Variants in POC1A observed in about 807,000 individuals in gnomAD.
POC1A encodes the protein POC1 centriolar protein homolog A.
In POC1A, 34 loss-of-function variants were observed where a neutral mutation model predicts 47.8. The ratio of observed to expected loss-of-function variants is 0.71; its 90% CI spans 0.54 to 0.95. The LOEUF (loss-of-function observed/expected upper bound fraction) is 0.95, where lower values mean the gene tolerates loss of function less well. Ranked by LOEUF, POC1A falls within the 40% of genes least tolerant of loss-of-function variation. POC1A has a pLI of 0.00. For synonymous variants in POC1A, 177 were observed against 207.6 expected (o/e 0.85, Z 1.27); for missense variants, 466 against 528.3 (o/e 0.88, Z 1.16).
intron 9 of POC1A, among the ~76,000 whole-genome samples, chr3:52,119,498 G>A (rs1269714536): frequency 2.0e-5 from 3 of 151,568 alleles, no homozygotes; most frequent in Admixed American, 1.3e-4. Context: ...GGGCTCAAGT[G>A]ATCTTTCCGC....
chr3:52,082,292 C>T (rs1286497235), intron 10 of POC1A, among the ~76,000 whole-genome samples: 1 of 152,118 alleles, frequency 6.6e-6, no homozygotes, highest in Non-Finnish European at 1.5e-5. Flanking sequence ...GTGATGTCAG[C>T]GATGGGCTGA....
intron 7 of POC1A, among the ~76,000 whole-genome samples, chr3:52,128,241 T>G (rs990023247): frequency 2.0e-5 from 3 of 152,198 alleles, no homozygotes; most frequent in Non-Finnish European, 4.4e-5. Context: ...TTTCATGTCA[T>G]GACTCAACCA....
intron 9 of POC1A, among the ~76,000 whole-genome samples, chr3:52,102,972 A>G (rs1289564799): frequency 1.3e-5 from 2 of 152,208 alleles, no homozygotes; most frequent in African/African-American, 4.8e-5. Context: ...GTCTAAAACT[A>G]TATTAACCAA....
intron 10 of POC1A, among the ~76,000 whole-genome samples, chr3:52,081,031 C>T (rs1000588601): frequency 6.6e-6 from 1 of 152,224 alleles, no homozygotes; most frequent in African/African-American, 2.4e-5. Flanking sequence ...CCGAGGTTCA[C>T]CTGGGGGCTC....
At chr3:52,089,147 C>T (rs2106949663) in intron 10 of POC1A, among the ~76,000 whole-genome samples, 1 of 152,098 alleles carries the variant, frequency 6.6e-6, no homozygotes, top group South Asian at 2.1e-4. Context: ...TTTTTGAGTG[C>T]TGTTCGCAGG....
chr3:52,094,677 C>T (rs1702752641), intron 10 of POC1A, among the ~76,000 whole-genome samples: 1 of 152,258 alleles, frequency 6.6e-6, no homozygotes, highest in African/African-American at 2.4e-5. Flanking sequence ...TTGAGTCCGT[C>T]AAGAACATGC....
At chr3:52,132,057 C>A (rs953110377) in intron 7 of POC1A, among the ~76,000 whole-genome samples, 5 of 152,180 alleles carry the variant, frequency 3.3e-5, no homozygotes, top group Non-Finnish European at 7.3e-5. Context: ...TTTCCATGAG[C>A]TCAAGTGGAA....
At chr3:52,136,824 T>A (rs1481967649) in intron 7 of POC1A, among the ~76,000 whole-genome samples, 1 of 152,216 alleles carries the variant, frequency 6.6e-6, no homozygotes, top group East Asian at 1.9e-4. Flanking sequence ...ACATTTTAGA[T>A]CCCACATTCA....
rs1369132636 is a variant in POC1A, at chr3:52,107,809, C to CT, written c.982-11098dup. Among the ~76,000 whole-genome samples, 71 of 152,320 alleles carry CT rather than the reference C, an allele frequency of 4.7e-4. 1 individual carries two copies. The highest frequency in any genetic ancestry group is 1.3e-4 in the Non-Finnish European group (9 of 68,022). On this transcript the variant is annotated intron_variant, in intron 9 of 10. Transcript: ENST00000296484. ...TATATCCCTCTGCCAGTGTTAATGT[C>CT]TTACACAACCATAGGACAATGATCA... is the stretch of plus-strand genomic sequence containing the variant.
intron 6 of POC1A, among the ~76,000 whole-genome samples, chr3:52,142,908 T>C (rs1559849049): frequency 1.3e-5 from 2 of 152,044 alleles, no homozygotes; most frequent in African/African-American, 2.4e-5. Flanking sequence ...GACCTGGCCA[T>C]GTCCTCCCGT....
rs1702398528 is a variant in POC1A, at chr3:52,084,546, C to T, written c.1126-8561G>A. 6.6e-6 allele frequency among the ~76,000 whole-genome samples: 1 copy of T among 152,162 alleles called. No individual in the cohort carries two copies. The highest frequency in any genetic ancestry group is 2.4e-5 in the African/African-American group (1 of 41,436). On this transcript the variant is annotated intron_variant, in intron 10 of 10. Coordinates refer to ENST00000296484, the MANE Select transcript of POC1A (RefSeq NM_015426.5). The surrounding 1 kb of genome is among the most constrained non-coding windows in gnomAD (Gnocchi z 4.3). ...TGTCTAGGCTGCGAGGAAAGCTACTCCACCACCACTGACAGCAAAGAACAT... is the reference window on the plus strand; with the variant it reads ...TGTCTAGGCTGCGAGGAAAGCTACTTCACCACCACTGACAGCAAAGAACAT...
intron 9 of POC1A, among the ~76,000 whole-genome samples, chr3:52,111,935 T>C (rs1282699150): frequency 6.6e-6 from 1 of 152,140 alleles, no homozygotes; most frequent in Non-Finnish European, 1.5e-5. Context: ...AATAGGTGAC[T>C]GGACTAATGG....
intron 9 of POC1A, among the ~76,000 whole-genome samples, chr3:52,118,531 A>C (rs1176158255): frequency 6.6e-6 from 1 of 152,212 alleles, no homozygotes; most frequent in Non-Finnish European, 1.5e-5. Flanking sequence ...CTGCAGTCAG[A>C]GAAAGGGTCA....
intron 4 of POC1A, among the ~76,000 whole-genome samples, chr3:52,148,759 C>A (rs1214870314): frequency 6.6e-6 from 1 of 152,234 alleles, no homozygotes. Context: ...CCAGCTCTGC[C>A]ACAGACCCAC....
chr3:52,148,348 C>T (rs1371196936), intron 4 of POC1A, among the ~76,000 whole-genome samples: 1 of 152,314 alleles, frequency 6.6e-6, no homozygotes, highest in East Asian at 1.9e-4. Context: ...ATGGGGGTGC[C>T]CTGGAGAACA....
At chr3:52,122,275 C>T in intron 9 of POC1A, 104 bp downstream of exon 9, 2 of 662,042 alleles carry the variant, frequency 3.0e-6, no homozygotes, top group African/African-American at 1.8e-5. Flanking sequence ...TTTCCCGAGA[C>T]AGGCCTAAAC....
At position 52,118,947 on chromosome 3, in the gene POC1A, C is replaced by T. The variant is rs142030121; in HGVS notation, c.981+3432G>A. On this transcript the variant is annotated intron_variant, in intron 9 of 10. Transcript: ENST00000296484. The stretch of plus-strand genomic sequence containing the variant: ...CAGGAAAACCTTTAGTCAGGAAAGG[C>T]AAAAACACTCTCCAATTTTTAAGTG... 3.3e-4 allele frequency among the ~76,000 whole-genome samples: 50 copies of T among 151,762 alleles called. 1 individual carries two copies. The East Asian group carries it at 4.8e-3, about 15-fold the overall frequency.
chr3:52,128,020 T>C (rs1217671178), intron 7 of POC1A, among the ~76,000 whole-genome samples: 1 of 152,106 alleles, frequency 6.6e-6, no homozygotes, highest in Non-Finnish European at 1.5e-5. Flanking sequence ...TAATAATGAA[T>C]ATATGGCATT....
chr3:52,110,021 A>G (rs1041285830), intron 9 of POC1A, among the ~76,000 whole-genome samples: 2 of 152,166 alleles, frequency 1.3e-5, no homozygotes, highest in Non-Finnish European at 2.9e-5. Context: ...AAACTGACAA[A>G]TAAGGCCAGA....
Sources: gnomAD v4.1 joint callset for allele counts (sites outside exome capture counted in the v4.1 genomes callset) on GRCh38, gnomAD v4.1.1 for gene constraint, Gnocchi (gnomAD v3.1) non-coding constraint, MANE v1.5 for transcripts, NCBI Gene and HGNC (gene_info 2026-07-23, HGNC 2026-07-21) for gene names.